KIAA1549: variants seen among roughly 807,000 people sequenced by gnomAD.
KIAA1549 encodes UPF0606 protein KIAA1549.
A neutral mutation model predicts 156.4 loss-of-function variants in KIAA1549; 70 were observed. That is an observed-to-expected ratio of 0.45 (90% CI 0.37 to 0.55). The LOEUF (loss-of-function observed/expected upper bound fraction) is 0.55. Among genes scored for constraint, KIAA1549 ranks in the 20% least tolerant of loss-of-function variants. The probability of loss-of-function intolerance (pLI) is 0.00; values close to 1 mark genes in which losing one functional copy is unlikely to be tolerated. For missense variants in KIAA1549, 2,428 were observed against 2,540.9 expected (o/e 0.96, Z 0.96); for synonymous variants, 1,103 against 1,066.4 (o/e 1.03, Z -0.67).
chr7:138,981,382 C>T lies in KIAA1549; in HGVS notation c.-113G>A, dbSNP rs1298986164. On this transcript the variant is annotated 5_prime_UTR_variant, in exon 1 of 20. Coordinates refer to ENST00000422774, the MANE Select transcript of KIAA1549 (RefSeq NM_001164665.2). The surrounding 1 kb of genome is among the most constrained non-coding windows in gnomAD (Gnocchi z 4.5). Reference sequence around the variant, plus strand: ...CGCCGCGCACCGGCGCGGAGGGAGGCCGGAGAGGCGGGGGCGGGCCGGGCC... The same window carrying T: ...CGCCGCGCACCGGCGCGGAGGGAGGTCGGAGAGGCGGGGGCGGGCCGGGCC... 7 of 309,978 alleles carry T rather than the reference C, an allele frequency of 2.3e-5. No homozygotes were observed. In the Admixed American group the frequency reaches 2.7e-4, roughly 12 times the overall value. 19.2% of individuals were successfully genotyped at this position (309,978 alleles called of 1,614,324 possible).
At chr7:138,889,108 A>G (rs1166383825) in intron 10 of KIAA1549, among the ~76,000 whole-genome samples, 2 of 152,254 alleles carry the variant, frequency 1.3e-5, no homozygotes, top group African/African-American at 4.8e-5. Flanking sequence ...TCCCATTAAG[A>G]AAGTGAATGC....
intron 1 of KIAA1549, among the ~76,000 whole-genome samples, chr7:138,972,714 CTCT>C (rs563769020): frequency 7.6e-4 from 116 of 152,304 alleles, no homozygotes; most frequent in African/African-American, 2.5e-3. Context: ...TTCTTCCTAA[CTCT>C]TCTTAGGGTG....
chr7:138,906,919 G>A lies in KIAA1549; in HGVS notation c.3460C>T (p.Pro1154Ser), dbSNP rs377259867. Residue 1154 changes from proline (P) to serine (S), a missense_variant and splice_region_variant, in exon 6 of 20, where the codon CCC becomes TCC. By Grantham distance (74) the Pro-to-Ser change is moderately conservative. This residue lies in a region of KIAA1549 where 762 missense variants were observed against 901.6 expected (regional missense o/e 0.85). Transcript: ENST00000422774. ...GCATGTCCAAGAGGGCTGTACTCAC[G>A]CTCTGCGATCTGCAGCACTGGGTAT... Reference protein sequence around the residue: ...LGYPVLQIAEPFQYPQLNLSQ... With the variant: ...LGYPVLQIAESFQYPQLNLSQ... 8.8e-6 allele frequency: 14 copies of A among 1,588,660 alleles called. No individual in the cohort carries two copies. The Middle Eastern group carries it at 1.3e-3, about 153-fold the overall frequency.
rs73729929 is a variant in KIAA1549 at position 138,851,470 on chromosome 7, A to G, written c.5294+753T>C. On this transcript the variant is annotated intron_variant, in intron 17 of 19. Coordinates refer to ENST00000422774, the MANE Select transcript of KIAA1549 (RefSeq NM_001164665.2). ...TTAGAATCTGTGTCTGATAACTCCA[A>G]TATCTGGATCCCCTGTAGTTCTGCT... Among the ~76,000 whole-genome samples, 459 of 151,820 alleles carry G rather than the reference A, an allele frequency of 3.0e-3. 4 individuals are homozygous for G. Among genetic ancestry groups the G allele is most frequent in the African/African-American group, 0.011 (445 of 41,336 alleles).
chr7:138,861,322 G>C lies in KIAA1549; in HGVS notation c.5064C>G (p.His1688Gln), dbSNP rs995929097. ...GGGCAAAGGCGTCGTCCAGGAGGGA[G>C]TGCATGGTCTGGCGTGCCTCCTCGA... Reference protein sequence around the residue: ...PSIEEARQTMHSLLDDAFALV... With the variant: ...PSIEEARQTMQSLLDDAFALV... The change falls in exon 16 of 20, where the codon CAC becomes CAG. Residue 1688 changes from histidine (H) to glutamine (Q), a missense_variant. Coordinates refer to ENST00000422774, the MANE Select transcript of KIAA1549 (RefSeq NM_001164665.2). 1.9e-6 allele frequency: 3 copies of C among 1,608,958 alleles called. No homozygotes were observed. Among genetic ancestry groups the C allele is most frequent in the African/African-American group, 1.3e-5 (1 of 74,696 alleles).
At chr7:138,941,244 A>G (rs942332549) in intron 1 of KIAA1549, among the ~76,000 whole-genome samples, 2 of 152,218 alleles carry the variant, frequency 1.3e-5, no homozygotes, top group Non-Finnish European at 2.9e-5. Context: ...ACCATTCTTT[A>G]AAAAGATTAC....
chr7:138,940,899 T>C (rs1813165033), intron 1 of KIAA1549, among the ~76,000 whole-genome samples: 1 of 152,220 alleles, frequency 6.6e-6, no homozygotes, highest in Non-Finnish European at 1.5e-5. Flanking sequence ...GAGTTCTTTG[T>C]AGATTCTGGA....
chr7:138,928,444 G>A (rs567665211), intron 1 of KIAA1549, among the ~76,000 whole-genome samples: 3 of 151,974 alleles, frequency 2.0e-5, no homozygotes, highest in South Asian at 2.1e-4. Context: ...GTGCCACCAC[G>A]CCCAGCTAAT....
intron 1 of KIAA1549, among the ~76,000 whole-genome samples, chr7:138,963,084 G>T (rs1184420453): frequency 6.6e-6 from 1 of 152,242 alleles, no homozygotes; most frequent in Admixed American, 6.5e-5. Flanking sequence ...CATCCAGCAC[G>T]GTGCTCAGCA....
chr7:138,949,684 C>T (rs1813437434), intron 1 of KIAA1549, among the ~76,000 whole-genome samples: 1 of 106,726 alleles, frequency 9.4e-6, no homozygotes, highest in African/African-American at 1.0e-4. Flanking sequence ...ATGTTTGCCT[C>T]AAGGTTAAAA....
At chr7:138,859,418 G>T (rs1201770128) in intron 16 of KIAA1549, among the ~76,000 whole-genome samples, 2 of 152,024 alleles carry the variant, frequency 1.3e-5, no homozygotes, top group African/African-American at 4.8e-5. Flanking sequence ...GAATTTTGAG[G>T]GTTGTTCCTG....
chr7:138,912,905 C>A (rs561426828), intron 2 of KIAA1549, among the ~76,000 whole-genome samples: 5 of 152,166 alleles, frequency 3.3e-5, no homozygotes, highest in African/African-American at 1.2e-4. Flanking sequence ...TTTTGAGACC[C>A]GCTCTGTCGC....
At chr7:138,839,740 C>A (rs903577745) in intron 19 of KIAA1549, among the ~76,000 whole-genome samples, 2 of 151,404 alleles carry the variant, frequency 1.3e-5, no homozygotes, top group Non-Finnish European at 2.9e-5. Flanking sequence ...AAAAGGGACC[C>A]CCCCCAAAGC....
intron 17 of KIAA1549, among the ~76,000 whole-genome samples, chr7:138,850,448 G>A (rs1810204535): frequency 6.6e-6 from 1 of 152,136 alleles, no homozygotes; most frequent in Non-Finnish European, 1.5e-5. Flanking sequence ...AATAATCAGT[G>A]ATATTGAGCT....
chr7:138,933,977 T>C lies in KIAA1549; in HGVS notation c.188-14539A>G, dbSNP rs1812940676. ...TAAGATTCTGTCTCAAAAATAATAA[T>C]AGTAAAATAAATAAAATACAACTCT... On this transcript the variant is annotated intron_variant, in intron 1 of 19. Coordinates refer to ENST00000422774, the MANE Select transcript of KIAA1549 (RefSeq NM_001164665.2). 2.0e-5 allele frequency among the ~76,000 whole-genome samples: 3 copies of C among 151,968 alleles called. 1 individual carries two copies. In the South Asian group the frequency reaches 6.2e-4, roughly 32 times the overall value.
At chr7:138,945,279 C>T (rs1813305126) in intron 1 of KIAA1549, among the ~76,000 whole-genome samples, 1 of 152,216 alleles carries the variant, frequency 6.6e-6, no homozygotes. Context: ...CCCCAGGTGC[C>T]TTAGCGCCAG....
intron 9 of KIAA1549, among the ~76,000 whole-genome samples, chr7:138,895,253 G>T (rs1402861107): frequency 5.3e-5 from 8 of 152,282 alleles, no homozygotes; most frequent in Admixed American, 2.0e-4. Context: ...GCAAAACAGA[G>T]TAAGGAGATA....
At chr7:138,928,940 T>C (rs780128155) in intron 1 of KIAA1549, among the ~76,000 whole-genome samples, 7 of 152,240 alleles carry the variant, frequency 4.6e-5, no homozygotes, top group Non-Finnish European at 7.3e-5. Context: ...ACATCTTAAC[T>C]AAAAATACTT....
In KIAA1549 at chr7:138,981,225, C is replaced by T. The variant is rs1192143767; in HGVS notation, c.45G>A (p.Gly15=). 4.0e-6 allele frequency: 4 copies of T among 1,000,768 alleles called. No homozygotes were observed. The highest frequency in any genetic ancestry group is 2.4e-6 in the Non-Finnish European group (2 of 841,770). The allele number at this position is 1,000,768 out of a possible 1,614,324, so 62.0% of individuals were successfully genotyped here. Residue 15 remains glycine, a synonymous_variant, in exon 1 of 20, where the codon GGG becomes GGA. Coordinates refer to ENST00000422774, the MANE Select transcript of KIAA1549 (RefSeq NM_001164665.2). This position sits in a 1 kb window ranked among gnomAD's most constrained non-coding sequence, Gnocchi z 4.5. The stretch of plus-strand genomic sequence containing the variant: ...CCAGCGCGACCCCGGCGCGGGGCTT[C>T]CCCTCCATGGCCGCGCCTCGGCGTC... ...RRRRRGAAME[G]KPRAGVALAP...
Sources: allele counts gnomAD v4.1 joint callset (sites outside exome capture counted in the v4.1 genomes callset), GRCh38; gene constraint gnomAD v4.1.1; regional missense constraint gnomAD v4.1.1; non-coding constraint Gnocchi (gnomAD v3.1); transcripts MANE v1.5; gene names NCBI Gene and HGNC (gene_info 2026-07-23, HGNC 2026-07-21).